The following USH2A variants were observed in gnomAD, a reference collection of about 807,000 sequenced individuals.
USH2A encodes the protein Usher syndrome 2A (autosomal recessive, mild).
A neutral mutation model predicts 538.9 loss-of-function variants in USH2A; 443 were observed. The observed-to-expected ratio is 0.82, with a 90% confidence interval of 0.76 to 0.89. The LOEUF is 0.89. Among genes scored for constraint, USH2A ranks in the 40% least tolerant of loss-of-function variants. The pLI is 0.00. For missense variants in USH2A, 6,633 were observed against 6,324.8 expected, an observed-to-expected ratio of 1.05 and a Z score of -1.65; for synonymous variants, 2,413 against 2,273.5, an observed-to-expected ratio of 1.06 and a Z score of -1.75.
At chr1:216,386,773 C>T (rs148954142) in intron 3 of USH2A, among the ~76,000 whole-genome samples, 1,477 of 145,732 alleles carry the variant, frequency 0.01, 10 homozygotes, top group Non-Finnish European at 0.015. Context: ...GATAATGGAG[C>T]GAACCCGGGA....
chr1:215,639,005 A>AC, intron 69 of USH2A, 150 bp downstream of exon 69: 9 of 542,370 alleles, frequency 1.7e-5, no homozygotes, highest in Non-Finnish European at 2.8e-5. Flanking sequence ...AAAAAAAAAC[A>AC]AAAAAAAAAA....
intron 37 of USH2A, among the ~76,000 whole-genome samples, chr1:215,948,078 A>G (rs1418845892): frequency 6.6e-6 from 1 of 152,110 alleles, no homozygotes; most frequent in African/African-American, 2.4e-5. Flanking sequence ...CTTCTGAAAG[A>G]AACTGAGGCC....
Position 216,382,776 on chromosome 1 carries a change from G to A in USH2A, c.652-17691C>T, listed in dbSNP as rs1282041854. Among the ~76,000 whole-genome samples the A allele has an allele frequency of 2.0e-5, 3 of 152,098 alleles. No individual in the cohort carries two copies. The East Asian group carries it at 5.8e-4, about 29-fold the overall frequency. On this transcript the variant is annotated intron_variant, in intron 3 of 71. Coordinates refer to ENST00000307340, the MANE Select transcript of USH2A (RefSeq NM_206933.4). ...GGAAGAAGAAAAGCCCTTGGAAATA[G>A]GGGTTTGGGGTAATTGGAATAAGTT...
At chr1:215,767,739 A>T (rs1200116026) in intron 55 of USH2A, among the ~76,000 whole-genome samples, 1 of 152,184 alleles carries the variant, frequency 6.6e-6, no homozygotes, top group Non-Finnish European at 1.5e-5. Context: ...GGGAATCATT[A>T]TAGCATCTAG....
chr1:216,145,313 T>A (rs1440119521), intron 21 of USH2A, among the ~76,000 whole-genome samples: 1 of 152,124 alleles, frequency 6.6e-6, no homozygotes, highest in African/African-American at 2.4e-5. Context: ...AGGGCCAAGG[T>A]ACAAAGGAGG....
intron 44 of USH2A, among the ~76,000 whole-genome samples, chr1:215,851,038 A>G (rs1664002742): frequency 6.6e-6 from 1 of 152,160 alleles, no homozygotes; most frequent in African/African-American, 2.4e-5. Flanking sequence ...TGGATATAAC[A>G]AAAGCAGTGT....
At chr1:215,903,025 A>G (rs1488405700) in intron 38 of USH2A, among the ~76,000 whole-genome samples, 2 of 152,074 alleles carry the variant, frequency 1.3e-5, no homozygotes, top group Non-Finnish European at 2.9e-5. Context: ...GAATCCACCA[A>G]AATGTTGAGG....
At position 216,226,655 on chromosome 1, in the gene USH2A, A is replaced by C. The variant is rs3767688; in HGVS notation, c.2993+5298T>G. 6.2e-4 allele frequency among the ~76,000 whole-genome samples: 94 copies of C among 152,282 alleles called. No individual in the cohort carries two copies. In the East Asian group the frequency reaches 0.017, roughly 28 times the overall value. The stretch of plus-strand genomic sequence containing the variant: ...TTAGGTATCTCTCACCTTTTGTTTT[A>C]GTGCAGTCAGATGCATTTTCTTTTC... On this transcript the variant is annotated intron_variant, in intron 14 of 71. Coordinates refer to ENST00000307340, the MANE Select transcript of USH2A (RefSeq NM_206933.4).
At chr1:216,106,480 C>T (rs1228913604) in intron 21 of USH2A, among the ~76,000 whole-genome samples, 1 of 150,874 alleles carries the variant, frequency 6.6e-6, no homozygotes, top group Non-Finnish European at 1.5e-5. Flanking sequence ...ATACTATTTC[C>T]TCTATTAATG....
chr1:216,246,216 T>C (rs1336535470), intron 13 of USH2A, among the ~76,000 whole-genome samples: 3 of 152,198 alleles, frequency 2.0e-5, no homozygotes, highest in Non-Finnish European at 4.4e-5. Context: ...ATTTGAATAT[T>C]TGGCATTGTA....
intron 55 of USH2A, among the ~76,000 whole-genome samples, chr1:215,776,541 T>A (rs1661473971): frequency 6.6e-6 from 1 of 152,116 alleles, no homozygotes; most frequent in Non-Finnish European, 1.5e-5. Context: ...GTGCTCCCTT[T>A]CCCTCCTGTC....
intron 32 of USH2A, among the ~76,000 whole-genome samples, chr1:216,014,402 G>T (rs12084647): frequency 0.47 from 71,012 of 152,070 alleles, 17,042 homozygotes; most frequent in East Asian, 0.7. Context: ...TTAAAGCAAA[G>T]AGGAAAGTAA....
At chr1:216,123,914 A>G (rs1489330277) in intron 21 of USH2A, among the ~76,000 whole-genome samples, 2 of 152,130 alleles carry the variant, frequency 1.3e-5, no homozygotes, top group Admixed American at 1.3e-4. Flanking sequence ...CAGAGAAGTC[A>G]TACAGTGACC....
At chr1:216,337,821 G>C (rs2038002137) in intron 4 of USH2A, among the ~76,000 whole-genome samples, 1 of 150,838 alleles carries the variant, frequency 6.6e-6, no homozygotes, top group African/African-American at 2.4e-5. Flanking sequence ...AAATGGTGTT[G>C]GAAATAAGAA....
intron 21 of USH2A, among the ~76,000 whole-genome samples, chr1:216,099,550 A>G (rs2032526800): frequency 6.6e-6 from 1 of 152,190 alleles, no homozygotes; most frequent in African/African-American, 2.4e-5. Context: ...ATTCATGATG[A>G]AATGTAGGGA....
chr1:216,215,864 T>A (rs1325030273), intron 15 of USH2A, among the ~76,000 whole-genome samples: 1 of 152,040 alleles, frequency 6.6e-6, no homozygotes, highest in Non-Finnish European at 1.5e-5. Context: ...TAAAATTAAA[T>A]GTCTACCACT....
At chr1:216,357,076 T>C (rs919963297) in intron 4 of USH2A, among the ~76,000 whole-genome samples, 1 of 152,146 alleles carries the variant, frequency 6.6e-6, no homozygotes, top group Non-Finnish European at 1.5e-5. Flanking sequence ...GCTAGAATTA[T>C]AGAAACACTT....
At chr1:216,343,003 AT>A (rs906334355) in intron 4 of USH2A, among the ~76,000 whole-genome samples, 30 of 152,060 alleles carry the variant, frequency 2.0e-4, no homozygotes, top group Admixed American at 7.2e-4. Flanking sequence ...GTGAAATAAA[AT>A]TTTTTTTAAG....
At chr1:216,250,281 GATAA>G (rs1230729162) in intron 12 of USH2A, among the ~76,000 whole-genome samples, 1 of 152,224 alleles carries the variant, frequency 6.6e-6, no homozygotes, top group South Asian at 2.1e-4. Flanking sequence ...ATAAAAAAAT[GATAA>G]ATAACACCGA....
Sources: gnomAD v4.1 joint callset for allele counts (sites outside exome capture counted in the v4.1 genomes callset) on GRCh38, gnomAD v4.1.1 for gene constraint, MANE v1.5 for transcripts, NCBI Gene and HGNC (gene_info 2026-07-23, HGNC 2026-07-21) for gene names.